DSCAM: variants seen among roughly 807,000 people sequenced by gnomAD.
The protein encoded by DSCAM is cell adhesion molecule DSCAM.
Under a neutral mutation model 217.7 loss-of-function variants are expected in DSCAM, and 47 were observed. The observed-to-expected ratio is 0.22, with a 90% CI of 0.17 to 0.28. The LOEUF is 0.28. Among genes scored for constraint, DSCAM ranks in the 10% least tolerant of loss-of-function variants. DSCAM has a pLI of 1.00. For missense variants in DSCAM, 2,080 were observed against 2,618.3 expected, an observed-to-expected ratio of 0.79 and a Z score of 4.49; for synonymous variants, 1,056 against 1,015.3, an observed-to-expected ratio of 1.04 and a Z score of -0.76.
At position 40,019,068 on chromosome 21, in the gene DSCAM, A is replaced by T. The variant is rs2996053; in HGVS notation, c.5687-5682T>A. ...GAGAGCACCAGAGTAGTCAGCGGTA[A>T]GCTCTGTTATTACAGGCACTTATGT... On this transcript the variant is annotated intron_variant, in intron 32 of 32. Coordinates refer to ENST00000400454, the MANE Select transcript of DSCAM (RefSeq NM_001389.5). Among the ~76,000 whole-genome samples, 103 of 152,278 alleles carry T rather than the reference A, an allele frequency of 6.8e-4. No homozygotes were observed. The South Asian group carries it at 0.02, about 29-fold the overall frequency.
intron 1 of DSCAM, among the ~76,000 whole-genome samples, chr21:40,803,536 G>T (rs2123508406): frequency 6.6e-6 from 1 of 152,308 alleles, no homozygotes; most frequent in South Asian, 2.1e-4. Context: ...TCTAGTCACT[G>T]ATCTCGGGCC....
intron 29 of DSCAM, among the ~76,000 whole-genome samples, chr21:40,052,866 CT>C (rs2088954905): frequency 6.6e-6 from 1 of 152,184 alleles, no homozygotes; most frequent in South Asian, 2.1e-4. Flanking sequence ...GGAGCAGGAG[CT>C]GCTGTTTGAG....
intron 3 of DSCAM, among the ~76,000 whole-genome samples, chr21:40,588,348 C>G (rs1456306372): frequency 6.6e-6 from 1 of 152,158 alleles, no homozygotes; most frequent in Non-Finnish European, 1.5e-5. Flanking sequence ...GAAAAAATTA[C>G]TTTGTGAATG....
chr21:40,515,056 C>G (rs573938655), intron 3 of DSCAM, among the ~76,000 whole-genome samples: 2 of 152,276 alleles, frequency 1.3e-5, no homozygotes, highest in East Asian at 3.9e-4. Flanking sequence ...ATTGGTACAT[C>G]AGTAAAGGCT....
intron 9 of DSCAM, among the ~76,000 whole-genome samples, chr21:40,310,705 C>T (rs1411711639): frequency 6.6e-6 from 1 of 152,166 alleles, no homozygotes; most frequent in Non-Finnish European, 1.5e-5. Flanking sequence ...ATATAGAAAG[C>T]AGGCTGATGT....
Position 40,088,415 on chromosome 21 carries a change from T to A in DSCAM, c.3851-1128A>T, listed in dbSNP as rs2089561939. On this transcript the variant is annotated intron_variant, in intron 21 of 32. Transcript: ENST00000400454. ...CAGAGTACCCAGAGCCAAGTCATTA[T>A]GCAGCCATCCTAGTATAGAATACCC... Among the ~76,000 whole-genome samples, 8 of 152,244 alleles carry A rather than the reference T, an allele frequency of 5.3e-5. No homozygotes were observed. In the South Asian group the frequency reaches 1.7e-3, roughly 31 times the overall value.
chr21:40,596,981 C>T (rs1300267399), intron 3 of DSCAM, among the ~76,000 whole-genome samples: 1 of 151,978 alleles, frequency 6.6e-6, no homozygotes, highest in African/African-American at 2.4e-5. Flanking sequence ...ATCTTCTACA[C>T]TTGTCTTTTC....
intron 3 of DSCAM, among the ~76,000 whole-genome samples, chr21:40,444,521 T>A (rs1430572975): frequency 2.0e-5 from 3 of 152,206 alleles, no homozygotes; most frequent in African/African-American, 7.2e-5. Context: ...GGAGCACCCA[T>A]GAGCAAGAGA....
chr21:40,741,827 G>A (rs1165250351), intron 1 of DSCAM, among the ~76,000 whole-genome samples: 1 of 152,190 alleles, frequency 6.6e-6, no homozygotes, highest in African/African-American at 2.4e-5. Context: ...ACTGACCTGA[G>A]TAACTCCAGA....
chr21:40,659,123 A>G (rs2090108531), intron 3 of DSCAM, among the ~76,000 whole-genome samples: 1 of 152,190 alleles, frequency 6.6e-6, no homozygotes, highest in Non-Finnish European at 1.5e-5. Flanking sequence ...AGATGTCACC[A>G]ATGTGCCTCC....
chr21:40,559,608 G>A (rs1344905074), intron 3 of DSCAM, among the ~76,000 whole-genome samples: 1 of 151,992 alleles, frequency 6.6e-6, no homozygotes, highest in Non-Finnish European at 1.5e-5. Context: ...GTAGTTCTGG[G>A]ATCTCATTTA....
At position 40,377,328 on chromosome 21, in the gene DSCAM, C is replaced by T. The variant is rs189748317; in HGVS notation, c.509-8083G>A. Among the ~76,000 whole-genome samples the T allele has an allele frequency of 3.5e-3, 526 of 152,204 alleles. 1 individual carries two copies. Among genetic ancestry groups the T allele is most frequent in the Non-Finnish European group, 5.6e-3 (379 of 68,012 alleles). On this transcript the variant is annotated intron_variant, in intron 3 of 32. Coordinates refer to ENST00000400454, the MANE Select transcript of DSCAM (RefSeq NM_001389.5). The stretch of plus-strand genomic sequence containing the variant: ...TGCTGGCTCATGCCCTCACGCAAAT[C>T]GCTCCCCTGGGTTTGGGCCATGGCA...
At chr21:40,075,286 T>C (rs2089349633) in intron 26 of DSCAM, 73 bp from the exon 27 acceptor site, 37 of 1,536,556 alleles carry the variant, frequency 2.4e-5, no homozygotes, top group Non-Finnish European at 3.1e-5. Flanking sequence ...GATGACAGGT[T>C]ATAAAAATCG....
intron 1 of DSCAM, among the ~76,000 whole-genome samples, chr21:40,771,049 C>A (rs566372657): frequency 5.9e-5 from 9 of 152,160 alleles, no homozygotes; most frequent in Non-Finnish European, 1.2e-4. Flanking sequence ...ATAGCACCCC[C>A]AGGCTGCCGG....
At chr21:40,487,286 TGTGTGCGTGTGTGCGTGC>T (rs1753554154) in intron 3 of DSCAM, among the ~76,000 whole-genome samples, 1 of 140,498 alleles carries the variant, frequency 7.1e-6, no homozygotes, top group South Asian at 2.2e-4. Flanking sequence ...TGTGTGTGCA[TGTGTGCGTGTGTGCGTGC>T]GTGTGTGTGT....
At chr21:40,668,164 G>C (rs950818593) in intron 3 of DSCAM, among the ~76,000 whole-genome samples, 1 of 152,022 alleles carries the variant, frequency 6.6e-6, no homozygotes, top group South Asian at 2.1e-4. Flanking sequence ...AAAATGACTC[G>C]TTGCCTCACT....
intron 1 of DSCAM, among the ~76,000 whole-genome samples, chr21:40,739,515 C>T (rs1053448785): frequency 1.3e-5 from 2 of 152,210 alleles, no homozygotes; most frequent in African/African-American, 4.8e-5. Context: ...CCTGTGTCTT[C>T]ACAGGGCTAT....
At chr21:40,218,425 G>A (rs961104317) in intron 11 of DSCAM, among the ~76,000 whole-genome samples, 3 of 152,106 alleles carry the variant, frequency 2.0e-5, no homozygotes, top group African/African-American at 7.2e-5. Context: ...GTTGGGTAAC[G>A]CGATGCTTCC....
intron 3 of DSCAM, among the ~76,000 whole-genome samples, chr21:40,420,555 T>G (rs1399360943): frequency 6.6e-6 from 1 of 152,196 alleles, no homozygotes; most frequent in African/African-American, 2.4e-5. Flanking sequence ...TGTTATGGGT[T>G]GAATTCTGTT....
Sources: allele counts gnomAD v4.1 joint callset (sites outside exome capture counted in the v4.1 genomes callset), GRCh38; gene constraint gnomAD v4.1.1; transcripts MANE v1.5; gene names NCBI Gene and HGNC (gene_info 2026-07-23, HGNC 2026-07-21).